Variants in CCDC15 observed in about 807,000 individuals in gnomAD.
CCDC15 encodes the protein coiled-coil domain-containing protein 15.
A neutral mutation model predicts 114.5 loss-of-function variants in CCDC15; 105 were observed. The ratio of observed to expected loss-of-function variants is 0.92; its 90% CI spans 0.78 to 1.08. CCDC15 has a LOEUF of 1.08. CCDC15 is among the 50% of genes least tolerant of loss of function. The pLI is 0.00. For missense variants in CCDC15, 1,105 were observed against 1,093.6 expected, an observed-to-expected ratio of 1.01 and a Z score of -0.15; for synonymous variants, 334 against 377.8, an observed-to-expected ratio of 0.88 and a Z score of 1.34.
intron 13 of CCDC15, among the ~76,000 whole-genome samples, chr11:125,024,469 CT>C: frequency 6.6e-6 from 1 of 151,878 alleles, no homozygotes; most frequent in Admixed American, 6.6e-5. Context: ...TTATATAGAC[CT>C]TCTTTAATTT....
At chr11:125,013,371 G>T (rs546609307) in intron 13 of CCDC15, among the ~76,000 whole-genome samples, 39 of 152,148 alleles carry the variant, frequency 2.6e-4, no homozygotes, top group Non-Finnish European at 4.7e-4. Flanking sequence ...TAACGAAGTT[G>T]TTGAAAGATT....
At chr11:124,967,518 G>C (rs1947805412) in intron 4 of CCDC15, among the ~76,000 whole-genome samples, 1 of 152,120 alleles carries the variant, frequency 6.6e-6, no homozygotes, top group Non-Finnish European at 1.5e-5. Flanking sequence ...GTTTATTCTA[G>C]TTAGCCATTC....
chr11:125,037,926 T>G (rs1948787035), intron 13 of CCDC15: 1 of 152,020 alleles, frequency 6.6e-6, no homozygotes, highest in African/African-American at 2.4e-5. Context: ...AACTGTTTTT[T>G]TTTTTTTTGA....
Position 125,040,678 on chromosome 11 carries a change from T to C in CCDC15, c.2823T>C (p.Ala941=). 1 of 1,612,466 alleles carries C rather than the reference T, an allele frequency of 6.2e-7. No homozygotes were observed. Among genetic ancestry groups the C allele is most frequent in the South Asian group, 1.1e-5 (1 of 90,680 alleles). Residue 941 remains alanine, a synonymous_variant, in exon 16 of 16, where the codon GCT becomes GCC. Transcript: ENST00000344762. ...TTCGAGTCGCAATTCATAATTTTGC[T>C]TCTGCACACAGGCGGACTTTGAAAA... is the stretch of plus-strand genomic sequence containing the variant. The part of the protein sequence containing the change: ...STLRVAIHNF[A]SAHRRTLKNL
intron 13 of CCDC15, among the ~76,000 whole-genome samples, chr11:125,023,069 G>GACT (rs1948672846): frequency 6.6e-6 from 1 of 151,796 alleles, no homozygotes; most frequent in Admixed American, 6.6e-5. Flanking sequence ...TGCTTTTGAT[G>GACT]ACTTATTTAA....
intron 13 of CCDC15, among the ~76,000 whole-genome samples, chr11:125,032,261 A>G (rs1948744572): frequency 6.6e-6 from 1 of 152,264 alleles, no homozygotes; most frequent in Non-Finnish European, 1.5e-5. Context: ...CTGAGGTAGG[A>G]CAGTAAAGGT....
chr11:125,016,018 T>G (rs1053889520), intron 13 of CCDC15, among the ~76,000 whole-genome samples: 3 of 152,188 alleles, frequency 2.0e-5, no homozygotes, highest in African/African-American at 7.2e-5. Context: ...CATACTGAAA[T>G]AAAATATTCC....
chr11:124,973,000 G>A (rs1033386283), intron 4 of CCDC15, among the ~76,000 whole-genome samples: 14 of 151,986 alleles, frequency 9.2e-5, no homozygotes, highest in African/African-American at 9.7e-5. Context: ...CAGGTTCTAG[G>A]GATTAACACC....
intron 2 of CCDC15, among the ~76,000 whole-genome samples, chr11:124,956,626 T>C (rs933097275): frequency 6.6e-6 from 1 of 152,232 alleles, no homozygotes; most frequent in Non-Finnish European, 1.5e-5. Flanking sequence ...TCAAACTTTT[T>C]CTATGTTAAG....
intron 13 of CCDC15, among the ~76,000 whole-genome samples, chr11:125,015,477 A>G (rs1476738334): frequency 6.6e-6 from 1 of 152,204 alleles, no homozygotes; most frequent in Non-Finnish European, 1.5e-5. Context: ...TAAAAATTTG[A>G]CAATTTTAAT....
In CCDC15 at chr11:124,968,610, C is replaced by T. The variant is rs183755405; in HGVS notation, c.517-6486C>T. 2.0e-3 allele frequency among the ~76,000 whole-genome samples: 298 copies of T among 152,270 alleles called. 1 individual carries two copies. The highest frequency in any genetic ancestry group is 0.017 in the Middle Eastern group (5 of 294). ...GGAAATCCCCCGACTGCTTGCACTT[C>T]CTGGGTGAGGCGATGCCCCACCCTG... is the stretch of plus-strand genomic sequence containing the variant. On this transcript the variant is annotated intron_variant, in intron 4 of 15. Transcript: ENST00000344762.
chr11:125,013,511 C>T (rs898797273), intron 13 of CCDC15, among the ~76,000 whole-genome samples: 1 of 152,036 alleles, frequency 6.6e-6, no homozygotes, highest in African/African-American at 2.4e-5. Flanking sequence ...TTGTGGAGGA[C>T]GATGAGGGCA....
chr11:124,995,588 A>T (rs1244524061), intron 11 of CCDC15, among the ~76,000 whole-genome samples: 1 of 152,164 alleles, frequency 6.6e-6, no homozygotes, highest in Non-Finnish European at 1.5e-5. Flanking sequence ...AATATCAAAG[A>T]TACAGTTGTG....
Position 125,039,055 on chromosome 11 carries a change from A to T in CCDC15, c.2720A>T (p.Tyr907Phe). 1 of 1,597,434 alleles carries T rather than the reference A, an allele frequency of 6.3e-7. No homozygotes were observed. Among genetic ancestry groups the T allele is most frequent in the Non-Finnish European group, 8.5e-7 (1 of 1,169,746 alleles). Residue 907 changes from tyrosine (Y) to phenylalanine (F), a missense_variant, in exon 15 of 16, where the codon TAT becomes TTT. Coordinates refer to ENST00000344762, the MANE Select transcript of CCDC15 (RefSeq NM_025004.3). ...PDTCANNCIF[Y>F]KNHRAYTRAL... ...ACCTGTGCCAACAACTGTATTTTCT[A>T]TAAAAACCACAGAGGTAAGTTTCTT... is the stretch of plus-strand genomic sequence containing the variant.
At chr11:125,008,710 T>C (rs569736794) in intron 13 of CCDC15, among the ~76,000 whole-genome samples, 1 of 152,098 alleles carries the variant, frequency 6.6e-6, no homozygotes, top group Non-Finnish European at 1.5e-5. Flanking sequence ...TTCTTTTTTT[T>C]TGATACAGAG....
rs184097436 is a variant in CCDC15, at chr11:124,958,737, C to A, written c.178-378C>A. ...TAAATGGTTGTGAAAACTGAATAGG[C>A]CTTTACTAGGTGGAGATGAAAGGAA... On this transcript the variant is annotated intron_variant, in intron 2 of 15. Coordinates refer to ENST00000344762, the MANE Select transcript of CCDC15 (RefSeq NM_025004.3). Among the ~76,000 whole-genome samples, 473 of 151,814 alleles carry A rather than the reference C, an allele frequency of 3.1e-3. 1 individual carries two copies. Among genetic ancestry groups the A allele is most frequent in the African/African-American group, 0.011 (444 of 41,372 alleles).
chr11:124,976,642 A>G (rs996720232), intron 5 of CCDC15, among the ~76,000 whole-genome samples: 1 of 152,168 alleles, frequency 6.6e-6, no homozygotes, highest in Non-Finnish European at 1.5e-5. Flanking sequence ...AAACACAGTT[A>G]TCAGATCTTA....
intron 4 of CCDC15, among the ~76,000 whole-genome samples, chr11:124,968,704 T>C (rs1003756932): frequency 1.4e-5 from 2 of 145,368 alleles, no homozygotes; most frequent in African/African-American, 5.4e-5. Flanking sequence ...GGTAGCTCAG[T>C]TGGAAATGCA....
intron 13 of CCDC15, among the ~76,000 whole-genome samples, chr11:125,025,067 A>AATATATATATGAATATATATGAATAT (rs1365002248): frequency 3.5e-5 from 4 of 115,100 alleles, no homozygotes; most frequent in African/African-American, 1.6e-4. Flanking sequence ...TATATATATG[A>AATATATATATGAATATATATGAATAT]ATATATGAAT....
Sources: allele counts gnomAD v4.1 joint callset (sites outside exome capture counted in the v4.1 genomes callset), GRCh38; gene constraint gnomAD v4.1.1; transcripts MANE v1.5; gene names NCBI Gene and HGNC (gene_info 2026-07-23, HGNC 2026-07-21).